PDE1A: variants seen among roughly 807,000 people sequenced by gnomAD.
PDE1A encodes the protein dual specificity calcium/calmodulin-dependent 3',5'-cyclic nucleotide phosphodiesterase 1A.
A neutral mutation model predicts 61.7 loss-of-function variants in PDE1A; 35 were observed. The ratio of observed to expected loss-of-function variants is 0.57; its 90% confidence interval spans 0.43 to 0.75. PDE1A has a LOEUF of 0.75. Ranked by LOEUF, PDE1A falls within the 30% of genes least tolerant of loss-of-function variation. The pLI is 0.00. For synonymous variants in PDE1A, 232 were observed against 213.2 expected (o/e 1.09, Z -0.77); for missense variants, 597 against 630.6 (o/e 0.95, Z 0.57).
In PDE1A at chr2:182,350,587, C is replaced by T. The variant is rs193228359; in HGVS notation, c.53+75991G>A. 4.3e-3 allele frequency among the ~76,000 whole-genome samples: 659 copies of T among 152,172 alleles called. 5 individuals are homozygous for T. The highest frequency in any genetic ancestry group is 6.7e-3 in the Non-Finnish European group (453 of 67,998). On this transcript the variant is annotated intron_variant, in intron 1 of 13. Coordinates refer to ENST00000351439, the Ensembl canonical transcript of PDE1A. ...AAGGTATAAAGTTTTTTTCTTTCTTCCATGATGTTTTTCTTGACTTGTCAT... is the reference window on the plus strand; with the variant it reads ...AAGGTATAAAGTTTTTTTCTTTCTTTCATGATGTTTTTCTTGACTTGTCAT...
In PDE1A at chr2:182,473,635, T is replaced by G. The variant is rs371793115; in HGVS notation, c.101+48641A>C. Among the ~76,000 whole-genome samples, 40 of 151,964 alleles carry G rather than the reference T, an allele frequency of 2.6e-4. No individual in the cohort carries two copies. The East Asian group carries it at 3.7e-3, about 14-fold the overall frequency. ...TAGTTATTTTTCCTGATCCTCACCCTCCTCCTACCTTCCACCCTCTGATAG... is the reference window on the plus strand; with the variant it reads ...TAGTTATTTTTCCTGATCCTCACCCGCCTCCTACCTTCCACCCTCTGATAG... On this transcript the variant is annotated intron_variant, in intron 2 of 14. Transcript: ENST00000410103.
At chr2:182,330,020 T>C (rs1436701115) in intron 1 of PDE1A, among the ~76,000 whole-genome samples, 2 of 152,142 alleles carry the variant, frequency 1.3e-5, no homozygotes, top group Non-Finnish European at 2.9e-5. Context: ...TAATAAACAT[T>C]AGTTGTTGAA....
chr2:182,349,604 C>T, intron 1 of PDE1A, among the ~76,000 whole-genome samples: 1 of 152,134 alleles, frequency 6.6e-6, no homozygotes, highest in South Asian at 2.1e-4. Flanking sequence ...TTCCCAAAGT[C>T]ATAGCCTTCT....
the PDE1A span, among the ~76,000 whole-genome samples, chr2:182,559,413 T>C: frequency 6.6e-6 from 1 of 152,172 alleles, no homozygotes; most frequent in Non-Finnish European, 1.5e-5. Context: ...TAATCATGAT[T>C]TTAAACCATC....
intron 1 of PDE1A, among the ~76,000 whole-genome samples, chr2:182,323,779 CCT>C (rs112374973): frequency 0.011 from 1,694 of 152,266 alleles, 24 homozygotes; most frequent in South Asian, 0.069. Flanking sequence ...TCTGAGGCAC[CCT>C]GTTTCTGCCA....
the PDE1A span, among the ~76,000 whole-genome samples, chr2:182,658,433 T>A: frequency 6.6e-6 from 1 of 152,246 alleles, no homozygotes; most frequent in Non-Finnish European, 1.5e-5. Flanking sequence ...CCTACTCCAA[T>A]CTTAACCTCA....
chr2:182,416,318 A>G (rs182459417), intron 1 of PDE1A, among the ~76,000 whole-genome samples: 67 of 152,334 alleles, frequency 4.4e-4, no homozygotes, highest in African/African-American at 1.5e-3. Flanking sequence ...AAAAGACACA[A>G]AGGCAAGTTA....
chr2:182,365,691 T>C (rs1440462236), intron 1 of PDE1A, among the ~76,000 whole-genome samples: 1 of 152,012 alleles, frequency 6.6e-6, no homozygotes, highest in Non-Finnish European at 1.5e-5. Context: ...TAATATTGTT[T>C]AGACTTGATT....
chr2:182,263,112 C>T (rs926968874), intron 2 of PDE1A, among the ~76,000 whole-genome samples: 25 of 152,118 alleles, frequency 1.6e-4, no homozygotes, highest in African/African-American at 5.8e-4. Flanking sequence ...GGCATGGACT[C>T]CTGCTGAGTG....
chr2:182,608,813 C>T, the PDE1A span, among the ~76,000 whole-genome samples: 1 of 152,258 alleles, frequency 6.6e-6, no homozygotes, highest in African/African-American at 2.4e-5. Flanking sequence ...AGGCAGCTCC[C>T]CCTGCGCTCT....
At chr2:182,505,113 C>T (rs1315632848) in intron 2 of PDE1A, among the ~76,000 whole-genome samples, 4 of 152,190 alleles carry the variant, frequency 2.6e-5, no homozygotes, top group African/African-American at 9.6e-5. Context: ...ACAGCCGTCT[C>T]CACTCACTAA....
the PDE1A span, among the ~76,000 whole-genome samples, chr2:182,669,196 A>T: frequency 6.6e-6 from 1 of 152,132 alleles, no homozygotes; most frequent in Non-Finnish European, 1.5e-5. Context: ...CCCTTCACTC[A>T]CCCCAGACAC....
At chr2:182,344,707 CTTCT>C (rs1322158736) in intron 1 of PDE1A, among the ~76,000 whole-genome samples, 3 of 149,502 alleles carry the variant, frequency 2.0e-5, no homozygotes, top group Non-Finnish European at 4.5e-5. Context: ...GCTTGTTTTT[CTTCT>C]TTCTTTCCTT....
chr2:182,403,455 C>G (rs571187973), intron 1 of PDE1A, among the ~76,000 whole-genome samples: 2 of 151,772 alleles, frequency 1.3e-5, no homozygotes, highest in Non-Finnish European at 2.9e-5. Flanking sequence ...AAAAATTAGC[C>G]GTGCGTGGTG....
At chr2:182,353,900 G>A (rs536861857) in intron 1 of PDE1A, among the ~76,000 whole-genome samples, 1 of 152,098 alleles carries the variant, frequency 6.6e-6, no homozygotes, top group African/African-American at 2.4e-5. Context: ...GTAGTATATA[G>A]AAACCTGCAT....
At chr2:182,395,319 G>A (rs550757882) in intron 1 of PDE1A, among the ~76,000 whole-genome samples, 32 of 152,112 alleles carry the variant, frequency 2.1e-4, no homozygotes, top group Admixed American at 1.0e-3. Flanking sequence ...ACAAGATATC[G>A]CATTGATCCA....
chr2:182,213,231 A>T (rs1469495910), intron 7 of PDE1A, among the ~76,000 whole-genome samples: 1 of 148,212 alleles, frequency 6.7e-6, no homozygotes, highest in African/African-American at 2.5e-5. Context: ...GAAGACTAAC[A>T]AACAGAAAGG....
chr2:182,205,927 C>A lies in PDE1A; in HGVS notation c.902+13G>T, dbSNP rs779567406. ...TGAAATTAAATTTCCTCTAGGTTTT[C>A]TCTGAAACTCACCTCCAGTCATCTT... is the stretch of plus-strand genomic sequence containing the variant. On this transcript the variant is annotated intron_variant, in intron 8 of 13. Transcript: ENST00000351439. 1.9e-6 allele frequency: 3 copies of A among 1,595,370 alleles called. No homozygotes were observed. The highest frequency in any genetic ancestry group is 2.6e-6 in the Non-Finnish European group (3 of 1,169,696).
chr2:182,465,798 A>G (rs971922672), intron 2 of PDE1A, among the ~76,000 whole-genome samples: 2 of 152,092 alleles, frequency 1.3e-5, no homozygotes, highest in South Asian at 2.1e-4. Flanking sequence ...ACTATTCAGA[A>G]TCAATTTTTT....
Sources: gnomAD v4.1 joint callset for allele counts (sites outside exome capture counted in the v4.1 genomes callset) on GRCh38, gnomAD v4.1.1 for gene constraint, MANE v1.5 for transcripts, NCBI Gene and HGNC (gene_info 2026-07-23, HGNC 2026-07-21) for gene names.